The following PARD3B variants were observed in gnomAD, a reference collection of about 807,000 sequenced individuals.
PARD3B encodes partitioning defective 3 homolog B.
Under a neutral mutation model 130.2 loss-of-function variants are expected in PARD3B, and 103 were observed. That is an observed-to-expected ratio of 0.79 (90% CI 0.67 to 0.93). The LOEUF (loss-of-function observed/expected upper bound fraction) is 0.93, where lower values mean the gene tolerates loss of function less well. Among genes scored for constraint, PARD3B ranks in the 40% least tolerant of loss-of-function variants. The pLI is 0.00. For missense variants in PARD3B, 1,609 were observed against 1,499.2 expected (o/e 1.07, Z -1.21); for synonymous variants, 583 against 553.2 (o/e 1.05, Z -0.76).
chr2:204,743,547 T>G (rs1286028463), intron 2 of PARD3B, among the ~76,000 whole-genome samples: 1 of 152,184 alleles, frequency 6.6e-6, no homozygotes, highest in Non-Finnish European at 1.5e-5. Flanking sequence ...AAACTTATTT[T>G]ATTGCTTTAA....
chr2:205,382,173 A>G (rs1178553671), intron 18 of PARD3B, among the ~76,000 whole-genome samples: 1 of 152,100 alleles, frequency 6.6e-6, no homozygotes, highest in Non-Finnish European at 1.5e-5. Context: ...CCAGGATACA[A>G]CATTGCATTA....
chr2:205,523,669 C>CTAAAGAAGGTGTATATTTTT (rs1391028083), intron 21 of PARD3B, among the ~76,000 whole-genome samples: 1 of 151,850 alleles, frequency 6.6e-6, no homozygotes, highest in Non-Finnish European at 1.5e-5. Flanking sequence ...AGTTGTGTTT[C>CTAAAGAAGGTGTATATTTTT]TAAAGAAGGT....
At chr2:204,706,397 G>A (rs2038161443) in intron 2 of PARD3B, among the ~76,000 whole-genome samples, 1 of 150,988 alleles carries the variant, frequency 6.6e-6, no homozygotes, top group Non-Finnish European at 1.5e-5. Flanking sequence ...AAAAAGAAAA[G>A]GGTAAGGAGA....
intron 1 of PARD3B, among the ~76,000 whole-genome samples, chr2:204,562,843 C>CGG (rs1559157830): frequency 3.4e-5 from 5 of 148,978 alleles, no homozygotes; most frequent in African/African-American, 1.2e-4. Flanking sequence ...TTTTTTTTTT[C>CGG]GTTGCTGTAA....
At chr2:205,270,029 C>A (rs1407416353) in intron 16 of PARD3B, among the ~76,000 whole-genome samples, 1 of 152,052 alleles carries the variant, frequency 6.6e-6, no homozygotes, top group Non-Finnish European at 1.5e-5. Context: ...AGGATAAATT[C>A]TTCAGGGGAT....
At chr2:205,037,391 TATATATATAGTGGACTATATGTATAAA>T (rs1698057101) in intron 3 of PARD3B, among the ~76,000 whole-genome samples, 5 of 145,454 alleles carry the variant, frequency 3.4e-5, no homozygotes, top group Admixed American at 7.0e-5. Flanking sequence ...TTGTATAAAA[TATATATATAGTGGACTATATGTATAAA>T]ATATATATAG....
chr2:204,753,052 A>G (rs972074702), intron 2 of PARD3B, among the ~76,000 whole-genome samples: 5 of 152,224 alleles, frequency 3.3e-5, no homozygotes, highest in African/African-American at 1.2e-4. Context: ...GGTAACGCCA[A>G]AAGTCCTATT....
chr2:204,784,318 T>G (rs1238076489), intron 2 of PARD3B, among the ~76,000 whole-genome samples: 1 of 152,106 alleles, frequency 6.6e-6, no homozygotes, highest in East Asian at 1.9e-4. Context: ...AATGGATTTT[T>G]TTTTCAACTT....
At chr2:205,465,272 T>C (rs2048581554) in intron 20 of PARD3B, among the ~76,000 whole-genome samples, 1 of 152,092 alleles carries the variant, frequency 6.6e-6, no homozygotes, top group African/African-American at 2.4e-5. Flanking sequence ...TTTGCATGTG[T>C]CATTTAATCC....
intron 4 of PARD3B, among the ~76,000 whole-genome samples, chr2:205,067,095 C>CTATTTTTTTTTTTTTTTTTTTTTTT (rs1700432600): frequency 1.7e-5 from 1 of 59,712 alleles, no homozygotes; most frequent in Admixed American, 1.8e-4. Flanking sequence ...TTTTACTAGG[C>CTATTTTTTTTTTTTTTTTTTTTTTT]TTTTTTTTTT....
chr2:205,237,551 A>G (rs922228747), intron 15 of PARD3B, among the ~76,000 whole-genome samples: 1 of 152,232 alleles, frequency 6.6e-6, no homozygotes, highest in Non-Finnish European at 1.5e-5. Flanking sequence ...TTGGAAACTC[A>G]TAACATTTGC....
At chr2:205,399,501 T>C (rs1023263208) in intron 18 of PARD3B, among the ~76,000 whole-genome samples, 10 of 150,898 alleles carry the variant, frequency 6.6e-5, no homozygotes, top group Non-Finnish European at 1.2e-4. Context: ...ACTACAGGCA[T>C]GCACCACGAC....
In PARD3B at chr2:205,160,800, TAC is replaced by T. The variant is rs770474595; in HGVS notation, c.1620+1895_1620+1896del. On this transcript the variant is annotated intron_variant, in intron 11 of 22. Coordinates refer to ENST00000406610, the MANE Select transcript of PARD3B (RefSeq NM_001302769.2). This position sits in a 1 kb window ranked among gnomAD's most constrained non-coding sequence, Gnocchi z 4.0. The stretch of plus-strand genomic sequence containing the variant: ...CAGTCCATTTTATCAAAGTGGAAAT[TAC>T]AGATTAGACCCTTTAGTGCCTTTCC... Among the ~76,000 whole-genome samples, 2 of 152,204 alleles carry T rather than the reference TAC, an allele frequency of 1.3e-5. No homozygotes were observed. Among genetic ancestry groups the T allele is most frequent in the Non-Finnish European group, 2.9e-5 (2 of 68,034 alleles).
At chr2:205,485,964 A>G in intron 20 of PARD3B, among the ~76,000 whole-genome samples, 1 of 152,094 alleles carries the variant, frequency 6.6e-6, no homozygotes. Flanking sequence ...CACTGTCATT[A>G]TTTATTTATA....
chr2:204,976,623 T>A (rs1057364385), intron 3 of PARD3B, among the ~76,000 whole-genome samples: 1 of 149,116 alleles, frequency 6.7e-6, no homozygotes, highest in Non-Finnish European at 1.5e-5. Flanking sequence ...TTTTTTTTTT[T>A]TTGAGATGGA....
At chr2:204,552,732 G>A (rs1051468816) in intron 1 of PARD3B, among the ~76,000 whole-genome samples, 4 of 152,132 alleles carry the variant, frequency 2.6e-5, no homozygotes, top group Non-Finnish European at 4.4e-5. Flanking sequence ...GCCAATTATC[G>A]CAGCACCATT....
chr2:205,019,733 T>G (rs1462237755), intron 3 of PARD3B, among the ~76,000 whole-genome samples: 1 of 152,130 alleles, frequency 6.6e-6, no homozygotes, highest in Admixed American at 6.5e-5. Flanking sequence ...GAAGGTAGAA[T>G]GGATGGTTTT....
intron 18 of PARD3B, among the ~76,000 whole-genome samples, chr2:205,358,729 C>T (rs1003146777): frequency 2.0e-5 from 3 of 152,176 alleles, no homozygotes; most frequent in African/African-American, 4.8e-5. Flanking sequence ...TTCCCACCCC[C>T]GTCTTTTGAA....
chr2:204,763,775 A>G (rs1427293045), intron 2 of PARD3B, among the ~76,000 whole-genome samples: 1 of 152,226 alleles, frequency 6.6e-6, no homozygotes, highest in Non-Finnish European at 1.5e-5. Context: ...CCTGGTGTAT[A>G]TATGTGATAA....
Sources: gnomAD v4.1 joint callset for allele counts (sites outside exome capture counted in the v4.1 genomes callset) on GRCh38, gnomAD v4.1.1 for gene constraint, Gnocchi (gnomAD v3.1) non-coding constraint, MANE v1.5 for transcripts, NCBI Gene and HGNC (gene_info 2026-07-23, HGNC 2026-07-21) for gene names.